The following CHFR variants were observed in gnomAD, a reference collection of about 807,000 sequenced individuals.
The protein encoded by CHFR is checkpoint with forkhead and ring finger domains, also known as E3 ubiquitin-protein ligase CHFR.
In CHFR, 57 loss-of-function variants were observed where a neutral mutation model predicts 87.6. The ratio of observed to expected loss-of-function variants is 0.65; its 90% CI spans 0.53 to 0.81. CHFR has a LOEUF of 0.81. Among genes scored for constraint, CHFR ranks in the 30% least tolerant of loss-of-function variants. CHFR has a pLI of 0.00. For missense variants in CHFR, 797 were observed against 865.8 expected (o/e 0.92, Z 1.00); for synonymous variants, 381 against 359.2 (o/e 1.06, Z -0.69).
intron 11 of CHFR, among the ~76,000 whole-genome samples, chr12:132,852,138 G>A (rs940383853): frequency 3.3e-5 from 5 of 149,724 alleles, no homozygotes; most frequent in Non-Finnish European, 5.9e-5. Context: ...TGCCTGCCAC[G>A]CCTGGCTAAT....
chr12:132,847,646 C>T (rs1461191211), intron 14 of CHFR: 14 of 1,080,100 alleles, frequency 1.3e-5, no homozygotes, highest in African/African-American at 3.3e-5. Flanking sequence ...GGCAGGAGGG[C>T]GAATGCGCAT....
At chr12:132,872,952 G>A (rs577789503) in intron 3 of CHFR, among the ~76,000 whole-genome samples, 7 of 152,324 alleles carry the variant, frequency 4.6e-5, no homozygotes, top group South Asian at 2.1e-4. Context: ...GGCCAATGCA[G>A]ATGCTGCTGA....
chr12:132,862,455 T>C (rs970280127), intron 6 of CHFR: 1 of 450,028 alleles, frequency 2.2e-6, no homozygotes, highest in Admixed American at 2.4e-5. Context: ...GAAAAAAAAA[T>C]TAACTAGGCG....
rs998710936 is a variant in CHFR, at chr12:132,840,355, G to A, written c.*1199C>T. ...ACACGAGCCCAACACGAGAGCGGAG[G>A]AGCAAACGCGGCTCATTTATTAGAA... is the stretch of plus-strand genomic sequence containing the variant. On this transcript the variant is annotated 3_prime_UTR_variant, in exon 18 of 18. Transcript: ENST00000450056. The A allele has an allele frequency of 1.3e-5, 2 of 152,524 alleles. No homozygotes were observed. Among genetic ancestry groups the A allele is most frequent in the African/African-American group, 4.8e-5 (2 of 41,454 alleles). 9.4% of individuals were successfully genotyped at this position (152,524 alleles called of 1,614,324 possible).
At chr12:132,853,944 G>A (rs1053835760) in intron 10 of CHFR, 12 of 210,856 alleles carry the variant, frequency 5.7e-5, no homozygotes, top group Non-Finnish European at 2.8e-5. Context: ...TAAAAGCAGA[G>A]CGCGGTGGGC....
At chr12:132,878,275 C>A (rs1389685282) in intron 2 of CHFR, among the ~76,000 whole-genome samples, 3 of 152,092 alleles carry the variant, frequency 2.0e-5, no homozygotes, top group East Asian at 1.9e-4. Flanking sequence ...TCGAGACCAG[C>A]CTGGCCAACA....
rs1250941340 is a variant in CHFR, at chr12:132,836,868, C to G, written c.*4686G>C. On this transcript the variant is annotated 3_prime_UTR_variant, in exon 18 of 18. Transcript: ENST00000450056. ...TGATCAGTAGATGCTGCCCTGGGGC[C>G]AAACATTTCAGACAAATAAACAACA... The G allele has an allele frequency of 2.4e-6, 1 of 411,782 alleles. No individual in the cohort carries two copies. Among genetic ancestry groups the G allele is most frequent in the African/African-American group, 2.1e-5 (1 of 48,468 alleles). 25.5% of individuals were successfully genotyped at this position (411,782 alleles called of 1,614,324 possible). A position where few individuals can be genotyped will look rare whatever the true frequency, so the allele number is the denominator to read the frequency against.
intron 16 of CHFR, 139 bp from the exon 17 acceptor site, chr12:132,843,222 G>A (rs4758950): frequency 0.19 from 140,291 of 748,186 alleles, 14,270 homozygotes; most frequent in African/African-American, 0.27. Flanking sequence ...TAGTTTCCTC[G>A]GACCGTTCTG....
chr12:132,873,736 C>A (rs1277194913), intron 3 of CHFR, among the ~76,000 whole-genome samples: 1 of 152,028 alleles, frequency 6.6e-6, no homozygotes, highest in African/African-American at 2.4e-5. Flanking sequence ...GGCTACGGGG[C>A]TAGAGTGTGC....
chr12:132,841,970 T>C (rs4758949), intron 17 of CHFR, among the ~76,000 whole-genome samples: 31,292 of 151,778 alleles, frequency 0.21, 3,452 homozygotes, highest in African/African-American at 0.27. Flanking sequence ...ATTAGCCTGA[T>C]GTGGTGGCGA....
intron 6 of CHFR, among the ~76,000 whole-genome samples, chr12:132,868,635 G>A (rs910334287): frequency 1.3e-5 from 2 of 152,240 alleles, no homozygotes. Flanking sequence ...AGCCGAGATC[G>A]CACCACTGCA....
At chr12:132,860,396 A>G (rs1951185867) in intron 7 of CHFR, among the ~76,000 whole-genome samples, 1 of 152,224 alleles carries the variant, frequency 6.6e-6, no homozygotes, top group Non-Finnish European at 1.5e-5. Flanking sequence ...TGTGTGACTT[A>G]CACAATTTTT....
At chr12:132,844,519 C>T (rs967481597) in intron 15 of CHFR, among the ~76,000 whole-genome samples, 6 of 117,604 alleles carry the variant, frequency 5.1e-5, no homozygotes, top group Admixed American at 8.2e-5. Context: ...CTCCTGACCT[C>T]GTGATCCACC....
At chr12:132,850,013 G>A (rs2136938756) in intron 12 of CHFR, 1 of 151,902 alleles carries the variant, frequency 6.6e-6, no homozygotes. Flanking sequence ...GAGTGCACTG[G>A]CGCCATCTCG....
rs879529729 is a variant in CHFR at position 132,834,494 on chromosome 12, T to C, written c.*7060A>G. ...CACCAACTTTGCTGCTTAAACTAGATTTATTCTCTTGCAGTTCTGGAGCTC... is the reference window on the plus strand; with the variant it reads ...CACCAACTTTGCTGCTTAAACTAGACTTATTCTCTTGCAGTTCTGGAGCTC... On this transcript the variant is annotated 3_prime_UTR_variant, in exon 18 of 18. Transcript: ENST00000450056. The C allele has an allele frequency of 6.6e-6, 1 of 152,150 alleles. No individual in the cohort carries two copies. The highest frequency in any genetic ancestry group is 1.5e-5 in the Non-Finnish European group (1 of 68,064). The allele number at this position is 152,150 out of a possible 1,614,324, so 9.4% of individuals were successfully genotyped here. A position where few individuals can be genotyped will look rare whatever the true frequency, so the allele number is the denominator to read the frequency against.
At chr12:132,880,136 C>T (rs901950406) in intron 2 of CHFR, among the ~76,000 whole-genome samples, 5 of 152,182 alleles carry the variant, frequency 3.3e-5, no homozygotes, top group Non-Finnish European at 7.3e-5. Context: ...AGCTGGAAGA[C>T]TCATATTACT....
At chr12:132,867,069 G>A (rs1394725524) in intron 6 of CHFR, 2 of 152,302 alleles carry the variant, frequency 1.3e-5, no homozygotes, top group Non-Finnish European at 2.9e-5. Context: ...CTGCTGCTGA[G>A]GAGCTGGGCT....
intron 6 of CHFR, among the ~76,000 whole-genome samples, 194 bp downstream of exon 6, chr12:132,869,425 T>TA (rs1167230655): frequency 6.6e-6 from 1 of 152,130 alleles, no homozygotes; most frequent in East Asian, 1.9e-4. Flanking sequence ...ACAATGGTAC[T>TA]AGAGTCCCTG....
intron 2 of CHFR, among the ~76,000 whole-genome samples, chr12:132,886,446 G>A (rs908121450): frequency 2.0e-5 from 3 of 151,400 alleles, no homozygotes; most frequent in Non-Finnish European, 4.4e-5. Context: ...GTATAATGTC[G>A]GAGCTAATTC....
Sources: allele counts gnomAD v4.1 joint callset (sites outside exome capture counted in the v4.1 genomes callset), GRCh38; gene constraint gnomAD v4.1.1; transcripts MANE v1.5; gene names NCBI Gene and HGNC (gene_info 2026-07-23, HGNC 2026-07-21).